SCAND1: variants seen among roughly 807,000 people sequenced by gnomAD.
SCAND1 encodes the protein SCAN domain-containing protein 1.
In SCAND1, 3 loss-of-function variants were observed where a neutral mutation model predicts 3.4. The observed-to-expected ratio is 0.87, with a 90% CI of 0.40 to 2.25. SCAND1 has a LOEUF of 2.25. Ranked by LOEUF, SCAND1 falls within the 30% of genes most tolerant of loss-of-function variation. The pLI, the probability that SCAND1 is intolerant of heterozygous loss-of-function variation, is 0.05. For synonymous variants in SCAND1, 152 were observed against 120.5 expected, an observed-to-expected ratio of 1.26 and a Z score of -1.72; for missense variants, 303 against 258.8, an observed-to-expected ratio of 1.17 and a Z score of -1.17.
chr20:35,959,105 A>C (rs1460457512), upstream of SCAND1: 1 of 152,214 alleles, frequency 6.6e-6, no homozygotes, highest in African/African-American at 2.4e-5. Flanking sequence ...GCTTTGGGTA[A>C]TCACTTATCT....
At chr20:35,957,407 T>C (rs2056267760), upstream of SCAND1, among the ~76,000 whole-genome samples, 1 of 151,778 alleles carries the variant, frequency 6.6e-6, no homozygotes, top group Admixed American at 6.6e-5. Flanking sequence ...GGCAACATGA[T>C]GAAACCCTGT....
Position 35,954,333 on chromosome 20 carries a change from A to C in SCAND1, c.-49T>G. The C allele has an allele frequency of 6.2e-7, 1 of 1,611,466 alleles. No individual in the cohort carries two copies. Among genetic ancestry groups the C allele is most frequent in the East Asian group, 2.2e-5 (1 of 44,780 alleles). ...TTTGTCCGGTAGCTGTGTGCTCAGCACTGCGTCTGCGCGGGGGTGGGGTGA... is the reference window on the plus strand; with the variant it reads ...TTTGTCCGGTAGCTGTGTGCTCAGCCCTGCGTCTGCGCGGGGGTGGGGTGA... On this transcript the variant is annotated 5_prime_UTR_variant, in exon 2 of 2. Coordinates refer to ENST00000305978, the MANE Select transcript of SCAND1 (RefSeq NM_033630.3).
chr20:35,953,884 C>T lies in SCAND1; in HGVS notation c.401G>A (p.Arg134His). ...EAFRQLRELS[R>H]QWLRPDIRTK... The stretch of plus-strand genomic sequence containing the variant: ...GCGGATGTCAGGCCGCAGCCACTGG[C>T]GGGACAGCTCCCGCAGCTGCCGGAA... The change falls in exon 2 of 2, where the codon CGC becomes CAC. Residue 134 changes from arginine to histidine, a missense_variant. By Grantham distance (29) the Arg-to-His change is conservative. Coordinates refer to ENST00000305978, the MANE Select transcript of SCAND1 (RefSeq NM_033630.3). 1 of 1,575,798 alleles carries T rather than the reference C, an allele frequency of 6.3e-7. No homozygotes were observed.
chr20:35,954,248 TC>T lies in SCAND1; in HGVS notation c.36del (p.Ser13ValfsTer69). On this transcript the variant is annotated frameshift_variant, in exon 2 of 2. Transcript: ENST00000305978. LOFTEE classifies it low-confidence loss of function (END_TRUNC). Reference sequence around the variant, plus strand: ...TTCTCCGGTGGCACCGCCGCGGGACTCCCAGTGGCCGCCAAGATCGGCTCCG... The same window carrying T: ...TTCTCCGGTGGCACCGCCGCGGGACTCCAGTGGCCGCCAAGATCGGCTCCG... ...AATEPILAATGSPAAVPPEKL... is the reference protein window; with the variant it reads ...AATEPILAATXSPAAVPPEKL... 4 of 1,612,904 alleles carry T rather than the reference TC, an allele frequency of 2.5e-6. No individual in the cohort carries two copies. Among genetic ancestry groups the T allele is most frequent in the Non-Finnish European group, 3.4e-6 (4 of 1,179,902 alleles).
In SCAND1 at chr20:35,953,711, A is replaced by C. The variant is rs1179328639; in HGVS notation, c.*34T>G. The C allele has an allele frequency of 7.3e-7, 1 of 1,363,328 alleles. No homozygotes were observed. Among genetic ancestry groups the C allele is most frequent in the Non-Finnish European group, 9.5e-7 (1 of 1,048,252 alleles). The allele number at this position is 1,363,328 out of a possible 1,614,324, so 84.5% of individuals were successfully genotyped here. On this transcript the variant is annotated 3_prime_UTR_variant, in exon 2 of 2. Transcript: ENST00000305978. Reference sequence around the variant, plus strand: ...CCGATCATGGCCCCAGTCCGCACAGAGCGCCCGGCCCTGGCCGCCCGCAGC... The same window carrying C: ...CCGATCATGGCCCCAGTCCGCACAGCGCGCCCGGCCCTGGCCGCCCGCAGC...
At chr20:35,954,670 G>A, upstream of SCAND1, 1 of 1,229,908 alleles carries the variant, frequency 8.1e-7, no homozygotes, top group South Asian at 1.5e-5. Context: ...GCGCCAGTTC[G>A]AGGAGGAGTC....
At position 35,953,735 on chromosome 20, in the gene SCAND1, G is replaced by A. The variant is rs767754294; in HGVS notation, c.*10C>T. 11 of 1,421,158 alleles carry A rather than the reference G, an allele frequency of 7.7e-6. No homozygotes were observed. The East Asian group carries it at 2.5e-4, about 32-fold the overall frequency. The allele number at this position is 1,421,158 out of a possible 1,614,324, so 88.0% of individuals were successfully genotyped here. ...GAGCGCCCGGCCCTGGCCGCCCGCAGCTCCACCGCTCAGCCAGTGATGCGC... is the reference window on the plus strand; with the variant it reads ...GAGCGCCCGGCCCTGGCCGCCCGCAACTCCACCGCTCAGCCAGTGATGCGC... On this transcript the variant is annotated 3_prime_UTR_variant, in exon 2 of 2. Transcript: ENST00000305978.
chr20:35,957,313 G>A (rs562552470), upstream of SCAND1, among the ~76,000 whole-genome samples: 123 of 152,244 alleles, frequency 8.1e-4, no homozygotes, highest in Non-Finnish European at 1.5e-3. Context: ...TTGGCCGGGC[G>A]CGGTGGCTCA....
In SCAND1 at chr20:35,954,300, C is replaced by T. The variant is rs1332631618; in HGVS notation, c.-16G>A. 43 of 1,613,414 alleles carry T rather than the reference C, an allele frequency of 2.7e-5. No individual in the cohort carries two copies. The highest frequency in any genetic ancestry group is 3.6e-5 in the Non-Finnish European group (43 of 1,179,850). ...TAGCCGCCATAACTCCAGCTCCGGG[C>T]GTCACTCTTTGTCCGGTAGCTGTGT... is the stretch of plus-strand genomic sequence containing the variant. On this transcript the variant is annotated 5_prime_UTR_variant, in exon 2 of 2. Transcript: ENST00000305978.
At chr20:35,959,418 C>T (rs931666052), upstream of SCAND1, 11 of 152,384 alleles carry the variant, frequency 7.2e-5, no homozygotes, top group Admixed American at 2.0e-4. Flanking sequence ...CTCACAGCTC[C>T]ACGTGGCTAG....
upstream of SCAND1, chr20:35,959,060 AC>A (rs1249164146): frequency 6.6e-6 from 1 of 152,216 alleles, no homozygotes; most frequent in African/African-American, 2.4e-5. Context: ...TTGAGCTGTT[AC>A]AAATAGAACT....
chr20:35,954,769 G>C, upstream of SCAND1: 1 of 492,754 alleles, frequency 2.0e-6, no homozygotes, highest in Non-Finnish European at 3.4e-6. Flanking sequence ...CTTTGCGTGC[G>C]GGCGCCCCTT....
upstream of SCAND1, among the ~76,000 whole-genome samples, chr20:35,958,640 T>TTG (rs141670470): frequency 6.2e-3 from 922 of 149,498 alleles, 8 homozygotes; most frequent in East Asian, 0.016. Flanking sequence ...ATACATGCAT[T>TTG]TGTGTGTGTG....
upstream of SCAND1, chr20:35,954,832 T>G: frequency 3.1e-6 from 1 of 323,120 alleles, no homozygotes; most frequent in East Asian, 1.1e-4. Flanking sequence ...CGGGAATGAT[T>G]AGGGTGACGG....
chr20:35,958,848 A>G (rs2056282999), upstream of SCAND1: 1 of 152,228 alleles, frequency 6.6e-6, no homozygotes, highest in Admixed American at 6.5e-5. Context: ...TGTTATTTAA[A>G]AAATGTTACA....
chr20:35,958,681 G>A (rs1052884318), upstream of SCAND1, among the ~76,000 whole-genome samples: 4 of 151,790 alleles, frequency 2.6e-5, no homozygotes, highest in Non-Finnish European at 5.9e-5. Flanking sequence ...CAATTTTATC[G>A]TGTGTGGATT....
Position 35,954,493 on chromosome 20 carries a change from G to A in SCAND1, c.-101C>T. ...CGGCAGCCGGAAGCGAAAGTCTCTG[G>A]CTTCTCTGCGTCCAGGTCGGCGCGC... On this transcript the variant is annotated 5_prime_UTR_variant, in exon 1 of 2. Transcript: ENST00000305978. 2.6e-6 allele frequency: 4 copies of A among 1,542,506 alleles called. No individual in the cohort carries two copies. Among genetic ancestry groups the A allele is most frequent in the Non-Finnish European group, 3.5e-6 (4 of 1,142,954 alleles).
rs2056211477 is a variant in SCAND1 at position 35,954,048 on chromosome 20, T to G, written c.237A>C (p.Ala79=). 2.6e-6 allele frequency: 4 copies of G among 1,540,828 alleles called. No homozygotes were observed. Among genetic ancestry groups the G allele is most frequent in the Non-Finnish European group, 3.5e-6 (4 of 1,141,938 alleles). ...SAALELPLGP[A]PVSVAPQAEA... is the part of the protein sequence containing the mutation. ...CGGCCTGAGGCGCTACGCTCACGGG[T>G]GCGGGCCCGAGAGGCAGCTCCAGGG... Residue 79 remains alanine (A), a synonymous_variant, in exon 2 of 2, where the codon GCA becomes GCC. Coordinates refer to ENST00000305978, the MANE Select transcript of SCAND1 (RefSeq NM_033630.3).
chr20:35,954,313 C>T lies in SCAND1; in HGVS notation c.-29G>A, dbSNP rs1269889482. ...TCCAGCTCCGGGCGTCACTCTTTGTCCGGTAGCTGTGTGCTCAGCACTGCG... is the reference window on the plus strand; with the variant it reads ...TCCAGCTCCGGGCGTCACTCTTTGTTCGGTAGCTGTGTGCTCAGCACTGCG... On this transcript the variant is annotated 5_prime_UTR_variant, in exon 2 of 2. Transcript: ENST00000305978. The T allele has an allele frequency of 6.2e-7, 1 of 1,613,152 alleles. No homozygotes were observed.
Sources: gnomAD v4.1 joint callset for allele counts (sites outside exome capture counted in the v4.1 genomes callset) on GRCh38, gnomAD v4.1.1 for gene constraint, MANE v1.5 for transcripts, NCBI Gene and HGNC (gene_info 2026-07-23, HGNC 2026-07-21) for gene names.